TUBB3: variants seen among roughly 807,000 people sequenced by gnomAD.
TUBB3 encodes the protein tubulin beta-3 chain.
TUBB3 carries 17 observed loss-of-function variants against 37.8 expected under a neutral mutation model. That is an observed-to-expected ratio of 0.45 (90% CI 0.31 to 0.67). The LOEUF is 0.67. Among genes scored for constraint, TUBB3 ranks in the 30% least tolerant of loss-of-function variants. The probability of loss-of-function intolerance (pLI) is 0.07; values close to 1 mark genes in which losing one functional copy is unlikely to be tolerated. For synonymous variants in TUBB3, 332 were observed against 278.9 expected, an observed-to-expected ratio of 1.19 and a Z score of -1.90; for missense variants, 262 against 657.9, an observed-to-expected ratio of 0.40 and a Z score of 6.58.
chr16:89,926,788 G>A (rs2030103863), intron 1 of TUBB3, among the ~76,000 whole-genome samples: 1 of 152,038 alleles, frequency 6.6e-6, no homozygotes, highest in South Asian at 2.1e-4. Context: ...CGCGATCTCG[G>A]CTCATTGCAA....
Position 89,935,076 on chromosome 16 carries a change from G to A in TUBB3, c.625G>A (p.Asp209Asn), listed in dbSNP as rs2030407251. The A allele has an allele frequency of 6.2e-7, 1 of 1,614,168 alleles. No homozygotes were observed. Among genetic ancestry groups the A allele is most frequent in the Non-Finnish European group, 8.5e-7 (1 of 1,180,030 alleles). Reference protein sequence around the residue: ...TYCIDNEALYDICFRTLKLAT... With the variant: ...TYCIDNEALYNICFRTLKLAT... ...CTGCATCGACAACGAGGCGCTCTACGACATCTGCTTCCGCACCCTCAAGCT... is the reference window on the plus strand; with the variant it reads ...CTGCATCGACAACGAGGCGCTCTACAACATCTGCTTCCGCACCCTCAAGCT... The change falls in exon 4 of 4, where the codon GAC becomes AAC. Residue 209 changes from aspartate to asparagine, a missense_variant. Asp to Asn is a conservative substitution (Grantham distance 23). Coordinates refer to ENST00000315491, the MANE Select transcript of TUBB3 (RefSeq NM_006086.4).
intron 2 of TUBB3, 23 bp from the exon 3 acceptor site, chr16:89,933,445 A>T: frequency 6.3e-7 from 1 of 1,587,054 alleles, no homozygotes. Context: ...GACCCGAATC[A>T]CCGAGCCCCT....
rs767949425 is a variant in TUBB3, at chr16:89,935,323, A to C, written c.872A>C (p.Gln291Pro). The change falls in exon 4 of 4, where the codon CAG becomes CCG. Residue 291 changes from glutamine to proline, a missense_variant. Coordinates refer to ENST00000315491, the MANE Select transcript of TUBB3 (RefSeq NM_006086.4). ...YRALTVPELT[Q>P]QMFDAKNMMA... The stretch of plus-strand genomic sequence containing the variant: ...GCCCTGACCGTGCCCGAGCTCACCC[A>C]GCAGATGTTCGATGCCAAGAACATG... 6.2e-7 allele frequency: 1 copy of C among 1,613,822 alleles called. No individual in the cohort carries two copies. Among genetic ancestry groups the C allele is most frequent in the Non-Finnish European group, 8.5e-7 (1 of 1,179,972 alleles).
chr16:89,926,198 G>T (rs1597419489), intron 1 of TUBB3, among the ~76,000 whole-genome samples: 1 of 152,164 alleles, frequency 6.6e-6, no homozygotes, highest in Non-Finnish European at 1.5e-5. Flanking sequence ...CGCCTGCAGC[G>T]GCGGAGGGGG....
intron 1 of TUBB3, among the ~76,000 whole-genome samples, chr16:89,926,275 G>C (rs2030079067): frequency 6.6e-6 from 1 of 152,226 alleles, no homozygotes; most frequent in Non-Finnish European, 1.5e-5. Context: ...GCTGGGGGCG[G>C]GGCCTGGCCG....
At chr16:89,932,833 T>C in intron 2 of TUBB3, 154 bp downstream of exon 2, 1 of 682,002 alleles carries the variant, frequency 1.5e-6, no homozygotes, top group South Asian at 1.6e-5. Context: ...CGTAACTGGA[T>C]GTCAGGCATC....
At chr16:89,928,567 C>T (rs1286740501) in intron 1 of TUBB3, among the ~76,000 whole-genome samples, 1 of 150,968 alleles carries the variant, frequency 6.6e-6, no homozygotes, top group African/African-American at 2.4e-5. Flanking sequence ...ATCTGTTGCC[C>T]AGGCTGGAGC....
Position 89,930,136 on chromosome 16 carries a change from G to A in TUBB3, c.58-2435G>A, listed in dbSNP as rs562940420. 1.1e-4 allele frequency among the ~76,000 whole-genome samples: 16 copies of A among 140,972 alleles called. No homozygotes were observed. The South Asian group carries it at 1.8e-3, about 16-fold the overall frequency. The allele number at this position is 140,972 out of a possible 152,430, so 92.5% of individuals were successfully genotyped here. On this transcript the variant is annotated intron_variant, in intron 1 of 3. Transcript: ENST00000315491. ...TCCTTCCTTTCTTTCTGACAGTCTC[G>A]CACTATTGCCCAGGCTGGAGTGCAG...
At chr16:89,928,072 A>T (rs75438215) in intron 1 of TUBB3, among the ~76,000 whole-genome samples, 5,971 of 149,910 alleles carry the variant, frequency 0.04, 233 homozygotes, top group African/African-American at 0.094. Flanking sequence ...ACCTTTCTGT[A>T]TTTTTTTTTT....
chr16:89,930,849 A>G (rs1051495188), intron 1 of TUBB3, among the ~76,000 whole-genome samples: 2 of 145,918 alleles, frequency 1.4e-5, no homozygotes, highest in African/African-American at 5.1e-5. Flanking sequence ...TTTTTTTGAG[A>G]TGGTGTCTCA....
chr16:89,934,676 C>G (rs1314028391), intron 3 of TUBB3, 53 bp from the exon 4 acceptor site: 35 of 1,570,514 alleles, frequency 2.2e-5, no homozygotes, highest in Non-Finnish European at 3.1e-5. Context: ...GGCTGGAGGT[C>G]TGGACTGCAG....
intron 1 of TUBB3, 116 bp from the exon 2 acceptor site, chr16:89,932,455 A>T: frequency 1.3e-6 from 1 of 789,436 alleles, no homozygotes; most frequent in East Asian, 2.6e-5. Flanking sequence ...GGGCTCGTGG[A>T]GGCCGTGGGT....
intron 1 of TUBB3, among the ~76,000 whole-genome samples, chr16:89,925,867 G>A (rs547164160): frequency 6.6e-6 from 1 of 152,330 alleles, no homozygotes; most frequent in South Asian, 2.1e-4. Context: ...TCGAGGCCGG[G>A]AGCAAAGCCG....
intron 1 of TUBB3, among the ~76,000 whole-genome samples, chr16:89,926,528 G>T (rs1251051517): frequency 6.6e-6 from 1 of 152,248 alleles, no homozygotes; most frequent in African/African-American, 2.4e-5. Flanking sequence ...CAGCGCCCGG[G>T]CCGAGCGCCT....
intron 1 of TUBB3, among the ~76,000 whole-genome samples, chr16:89,930,105 C>T (rs1317445138): frequency 6.7e-6 from 1 of 148,668 alleles, no homozygotes; most frequent in Admixed American, 6.8e-5. Flanking sequence ...TCCTTCCTTC[C>T]TTCCTTCCTT....
chr16:89,923,202 G>A (rs2144398687), upstream of TUBB3: 1 of 220,084 alleles, frequency 4.5e-6, no homozygotes, highest in African/African-American at 2.3e-5. Flanking sequence ...TGCGCGCGGC[G>A]GGCGGGGACG....
intron 1 of TUBB3, among the ~76,000 whole-genome samples, chr16:89,924,415 G>T (rs1344585864): frequency 6.6e-6 from 1 of 152,044 alleles, no homozygotes; most frequent in Non-Finnish European, 1.5e-5. Flanking sequence ...GGTTGGGGGC[G>T]CTGCTTGCCA....
At chr16:89,926,705 C>T (rs925004176) in intron 1 of TUBB3, among the ~76,000 whole-genome samples, 3 of 152,206 alleles carry the variant, frequency 2.0e-5, no homozygotes, top group Admixed American at 6.5e-5. Flanking sequence ...CCACGCCTGG[C>T]CACAATTTTC....
intron 1 of TUBB3, 104 bp downstream of exon 1, chr16:89,923,562 C>A: frequency 8.8e-7 from 1 of 1,134,442 alleles, no homozygotes; most frequent in Non-Finnish European, 1.1e-6. Context: ...TGCGAACCTG[C>A]AACAAAGGGA....
Sources: allele counts gnomAD v4.1 joint callset (sites outside exome capture counted in the v4.1 genomes callset), GRCh38; gene constraint gnomAD v4.1.1; transcripts MANE v1.5; gene names NCBI Gene and HGNC (gene_info 2026-07-23, HGNC 2026-07-21).